Variants in MLLT1 observed in about 807,000 individuals in gnomAD.
The protein encoded by MLLT1 is protein ENL.
MLLT1 carries 11 observed loss-of-function variants against 55.1 expected under a neutral mutation model. The observed-to-expected ratio is 0.20, with a 90% CI of 0.13 to 0.33. MLLT1 has a LOEUF of 0.33. Among genes scored for constraint, MLLT1 ranks in the 10% least tolerant of loss-of-function variants. MLLT1 has a pLI of 1.00. For missense variants in MLLT1, 536 were observed against 760.6 expected (o/e 0.70, Z 3.47); for synonymous variants, 323 against 320.1 (o/e 1.01, Z -0.10).
rs1345790733 is a variant in MLLT1, at chr19:6,231,006, G to A, written c.277-293C>T. Among the ~76,000 whole-genome samples the A allele has an allele frequency of 2.6e-5, 4 of 152,196 alleles. No homozygotes were observed. The highest frequency in any genetic ancestry group is 4.4e-5 in the Non-Finnish European group (3 of 68,040). On this transcript the variant is annotated intron_variant, in intron 3 of 11. Coordinates refer to ENST00000252674, the MANE Select transcript of MLLT1 (RefSeq NM_005934.4). This position sits in a 1 kb window ranked among gnomAD's most constrained non-coding sequence, Gnocchi z 5.1. Reference sequence around the variant, plus strand: ...ATGTACCCCCTTCAACCCTCACAGCGCCACTGACAGACAGGGAAACCGACG... The same window carrying A: ...ATGTACCCCCTTCAACCCTCACAGCACCACTGACAGACAGGGAAACCGACG...
intron 3 of MLLT1, among the ~76,000 whole-genome samples, chr19:6,258,080 T>C (rs901818175): frequency 6.6e-6 from 1 of 152,106 alleles, no homozygotes; most frequent in Non-Finnish European, 1.5e-5. Context: ...GCTTAGCAGT[T>C]CCTCAGAAAG....
At chr19:6,239,991 G>A (rs1401937710) in intron 3 of MLLT1, among the ~76,000 whole-genome samples, 1 of 152,032 alleles carries the variant, frequency 6.6e-6, no homozygotes, top group African/African-American at 2.4e-5. Flanking sequence ...CCTCTGACCA[G>A]GAGTCAGAGG....
intron 1 of MLLT1, among the ~76,000 whole-genome samples, chr19:6,271,950 G>A (rs1269181802): frequency 2.6e-5 from 4 of 152,200 alleles, no homozygotes; most frequent in African/African-American, 7.2e-5. Flanking sequence ...TTGGCATTTC[G>A]AGGCCCCGTT....
At chr19:6,248,686 C>T (rs896751419) in intron 3 of MLLT1, among the ~76,000 whole-genome samples, 4 of 152,174 alleles carry the variant, frequency 2.6e-5, no homozygotes, top group Non-Finnish European at 4.4e-5. Context: ...GGCAACAGTG[C>T]AGCATCCTGG....
rs919168496 is a variant in MLLT1 at position 6,216,491 on chromosome 19, C to T, written c.1221G>A (p.Glu407=). 4 of 1,603,326 alleles carry T rather than the reference C, an allele frequency of 2.5e-6. No individual in the cohort carries two copies. The highest frequency in any genetic ancestry group is 2.6e-6 in the Non-Finnish European group (3 of 1,175,898). ...CGTCGGACTCCTCGGACTGCAGGTC[C>T]TCCACCATGGAGCGCAGGGGTCCTG... is the stretch of plus-strand genomic sequence containing the variant. ...HSQGPLRSMV[E]DLQSEESDED... Residue 407 remains glutamate, a synonymous_variant, in exon 8 of 12, where the codon GAG becomes GAA. Coordinates refer to ENST00000252674, the MANE Select transcript of MLLT1 (RefSeq NM_005934.4).
chr19:6,216,552 AG>A (rs1156799595), intron 7 of MLLT1, 39 bp from the exon 8 acceptor site: 2 of 1,445,366 alleles, frequency 1.4e-6, no homozygotes, highest in Non-Finnish European at 9.5e-7. Context: ...AGACAAGGGC[AG>A]GGCTCCACTG....
chr19:6,213,222 G>T, intron 11 of MLLT1, 52 bp from the exon 12 acceptor site: 4 of 1,612,404 alleles, frequency 2.5e-6, no homozygotes, highest in Non-Finnish European at 2.5e-6. Context: ...GGGTGGGGTT[G>T]CCCTGTTCCC....
Position 6,226,866 on chromosome 19 carries a change from G to T in MLLT1, c.546+111C>A. On this transcript the variant is annotated intron_variant, in intron 5 of 11. Coordinates refer to ENST00000252674, the MANE Select transcript of MLLT1 (RefSeq NM_005934.4). This position sits in a 1 kb window ranked among gnomAD's most constrained non-coding sequence, Gnocchi z 6.3. ...AGAGCTCAAAGAGGAAGACGCCAAGGGAGCGAGCAGGTGCGGAAGGCCCAG... is the reference window on the plus strand; with the variant it reads ...AGAGCTCAAAGAGGAAGACGCCAAGTGAGCGAGCAGGTGCGGAAGGCCCAG... 1 of 828,254 alleles carries T rather than the reference G, an allele frequency of 1.2e-6. No homozygotes were observed. 51.3% of individuals were successfully genotyped at this position (828,254 alleles called of 1,614,324 possible). A position where few individuals can be genotyped will look rare whatever the true frequency, so the allele number is the denominator to read the frequency against.
chr19:6,216,257 TGGG>T, intron 8 of MLLT1, 145 bp downstream of exon 8: 1 of 635,418 alleles, frequency 1.6e-6, no homozygotes, highest in Admixed American at 2.5e-5. Flanking sequence ...CAGGCTGGAC[TGGG>T]GCCACCTGGG....
intron 3 of MLLT1, among the ~76,000 whole-genome samples, chr19:6,233,460 G>A (rs2091031487): frequency 6.6e-6 from 1 of 152,224 alleles, no homozygotes; most frequent in African/African-American, 2.4e-5. Flanking sequence ...CCCCAGGCGG[G>A]GAGGTGTGAC....
At chr19:6,266,591 G>T (rs2091351199) in intron 2 of MLLT1, among the ~76,000 whole-genome samples, 1 of 152,044 alleles carries the variant, frequency 6.6e-6, no homozygotes, top group Non-Finnish European at 1.5e-5. Context: ...CGAGTAGCTG[G>T]GATTACAGGC....
chr19:6,274,818 G>A (rs367828863), intron 1 of MLLT1, among the ~76,000 whole-genome samples: 6 of 152,196 alleles, frequency 3.9e-5, no homozygotes, highest in South Asian at 2.1e-4. Context: ...GGATGGGCAC[G>A]AGCGCTCCAA....
chr19:6,224,059 C>A (rs1396411306), intron 5 of MLLT1, among the ~76,000 whole-genome samples: 1 of 152,176 alleles, frequency 6.6e-6, no homozygotes, highest in Non-Finnish European at 1.5e-5. Context: ...GCGGGAGGGG[C>A]AGGCTGGGTA....
chr19:6,236,553 G>A (rs368804382), intron 3 of MLLT1, among the ~76,000 whole-genome samples: 154 of 152,270 alleles, frequency 1.0e-3, no homozygotes, highest in East Asian at 5.0e-3. Flanking sequence ...ACCCCCTGCC[G>A]GCCAGGTAGA....
At position 6,262,235 on chromosome 19, in the gene MLLT1, T is replaced by G. The variant is rs936787545; in HGVS notation, c.269A>C (p.Lys90Thr). 1 of 1,613,756 alleles carries G rather than the reference T, an allele frequency of 6.2e-7. No individual in the cohort carries two copies. The highest frequency in any genetic ancestry group is 8.5e-7 in the Non-Finnish European group (1 of 1,179,906). Residue 90 changes from lysine to threonine, a missense_variant, in exon 3 of 12, where the codon AAA (lysine) becomes ACA (threonine). Physicochemically the swap from Lys to Thr is moderately conservative, Grantham distance 78 (BLOSUM62 -1). Coordinates refer to ENST00000252674, the MANE Select transcript of MLLT1 (RefSeq NM_005934.4). The surrounding 1 kb of genome is among the most constrained non-coding windows in gnomAD (Gnocchi z 4.4). ...TCCCCTCAGGGATCCTACCTTGTTT[T>G]TGAAGTGCACCTCGATGGGCATGAT... ...GFIMPIEVHF[K>T]NKEEPRKVCF...
At chr19:6,266,134 C>T (rs1046130003) in intron 2 of MLLT1, among the ~76,000 whole-genome samples, 55 of 151,440 alleles carry the variant, frequency 3.6e-4, no homozygotes, top group African/African-American at 1.2e-3. Context: ...AAAAAGTTAG[C>T]TGGGTATGGT....
At chr19:6,252,170 G>T (rs2091221393) in intron 3 of MLLT1, among the ~76,000 whole-genome samples, 1 of 152,134 alleles carries the variant, frequency 6.6e-6, no homozygotes, top group African/African-American at 2.4e-5. Flanking sequence ...AAGTCAGGGA[G>T]GGCAATCTCT....
rs2090981970 is a variant in MLLT1, at chr19:6,229,098, C to T, written c.420+1472G>A. 6.6e-6 allele frequency among the ~76,000 whole-genome samples: 1 copy of T among 152,230 alleles called. No homozygotes were observed. Among genetic ancestry groups the T allele is most frequent in the East Asian group, 1.9e-4 (1 of 5,190 alleles). ...GCCCAGAGCGGCCCAGGGAACGCCA[C>T]TTCCCACAGCCACGCCACCACGGAA... On this transcript the variant is annotated intron_variant, in intron 4 of 11. Transcript: ENST00000252674. The surrounding 1 kb of genome is among the most constrained non-coding windows in gnomAD (Gnocchi z 5.2).
chr19:6,227,595 G>T lies in MLLT1; in HGVS notation c.421-493C>A, dbSNP rs4807066. On this transcript the variant is annotated intron_variant, in intron 4 of 11. Coordinates refer to ENST00000252674, the MANE Select transcript of MLLT1 (RefSeq NM_005934.4). This position sits in a 1 kb window ranked among gnomAD's most constrained non-coding sequence, Gnocchi z 5.1. ...GAATGAGCCGTCCTTGGTGTGCGGT[G>T]ACTGCAGCGGACCCGAACAGGGCAA... Among the ~76,000 whole-genome samples, 5,088 of 152,316 alleles carry T rather than the reference G, an allele frequency of 0.033. 93 individuals are homozygous for T. The highest frequency in any genetic ancestry group is 0.078 in the Middle Eastern group (23 of 294).
Sources: gnomAD v4.1 joint callset for allele counts (sites outside exome capture counted in the v4.1 genomes callset) on GRCh38, gnomAD v4.1.1 for gene constraint, Gnocchi (gnomAD v3.1) non-coding constraint, MANE v1.5 for transcripts, NCBI Gene and HGNC (gene_info 2026-07-23, HGNC 2026-07-21) for gene names.